SLC5A10: variants seen among roughly 807,000 people sequenced by gnomAD.
SLC5A10 encodes the protein solute carrier family 5 member 10.
Under a neutral mutation model 68.9 loss-of-function variants are expected in SLC5A10, and 55 were observed. That is an observed-to-expected ratio of 0.80 (90% CI 0.64 to 1.00). The LOEUF is 1.00. Among genes scored for constraint, SLC5A10 ranks in the 50% least tolerant of loss-of-function variants. The pLI, the probability that SLC5A10 is intolerant of heterozygous loss-of-function variation, is 0.00. For missense variants in SLC5A10, 732 were observed against 819.3 expected, an observed-to-expected ratio of 0.89 and a Z score of 1.30; for synonymous variants, 344 against 344.8, an observed-to-expected ratio of 1.00 and a Z score of 0.02.
chr17:18,954,800 C>T (rs2042457849), intron 1 of SLC5A10, among the ~76,000 whole-genome samples: 1 of 152,196 alleles, frequency 6.6e-6, no homozygotes, highest in South Asian at 2.1e-4. Context: ...AGGCCGGGCG[C>T]AGTGGCTCAT....
chr17:18,975,144 C>T (rs555663407), intron 8 of SLC5A10, among the ~76,000 whole-genome samples: 1 of 152,164 alleles, frequency 6.6e-6, no homozygotes. Flanking sequence ...CTCCCAAGCA[C>T]CTAGACAGAA....
intron 4 of SLC5A10, 30 bp downstream of exon 4, chr17:18,959,693 G>A (rs1334778666): frequency 1.2e-6 from 2 of 1,611,952 alleles, no homozygotes; most frequent in Admixed American, 1.7e-5. Flanking sequence ...CTCCAGCTGG[G>A]GGGCTGGGCC....
chr17:19,011,852 G>A (rs555636487), intron 9 of SLC5A10, among the ~76,000 whole-genome samples: 3 of 151,886 alleles, frequency 2.0e-5, no homozygotes, highest in Admixed American at 6.5e-5. Context: ...GCTGGCCTGG[G>A]GGAAGGGGTG....
intron 9 of SLC5A10, among the ~76,000 whole-genome samples, chr17:18,983,653 G>A (rs940194683): frequency 6.6e-5 from 10 of 152,186 alleles, no homozygotes; most frequent in Admixed American, 5.9e-4. Context: ...TGAGGTGCAG[G>A]CCTCCAGCAG....
rs1292178742 is a variant in SLC5A10 at position 19,020,447 on chromosome 17, C to A, written c.*16C>A. 3 of 1,611,610 alleles carry A rather than the reference C, an allele frequency of 1.9e-6. No homozygotes were observed. Among genetic ancestry groups the A allele is most frequent in the African/African-American group, 1.3e-5 (1 of 74,906 alleles). ...CTTCGCCTGACACTGCCATCCTGGA[C>A]AGAAAGGCAGGAGCTCTGAGTCCTC... On this transcript the variant is annotated 3_prime_UTR_variant, in exon 15 of 15. Coordinates refer to ENST00000395645, the MANE Select transcript of SLC5A10 (RefSeq NM_001042450.4).
At chr17:18,969,526 G>A in intron 7 of SLC5A10, 104 bp downstream of exon 7, 1 of 1,129,778 alleles carries the variant, frequency 8.9e-7, no homozygotes, top group South Asian at 1.5e-5. Context: ...TGGGGTTCTG[G>A]GTAGCATCGC....
In SLC5A10 at chr17:19,020,609, G is replaced by A. The variant is rs767336935; in HGVS notation, c.*178G>A. 4.4e-4 allele frequency: 263 copies of A among 593,332 alleles called. 1 individual carries two copies. Among genetic ancestry groups the A allele is most frequent in the Middle Eastern group, 8.9e-4 (2 of 2,240 alleles). The allele number at this position is 593,332 out of a possible 1,614,324, so 36.8% of individuals were successfully genotyped here. A position where few individuals can be genotyped will look rare whatever the true frequency, so the allele number is the denominator to read the frequency against. Reference sequence around the variant, plus strand: ...GCCCTGAAAAATTAGGGGGGAAATGGGAGAAAATAATGTGACATTTCAAAA... The same window carrying A: ...GCCCTGAAAAATTAGGGGGGAAATGAGAGAAAATAATGTGACATTTCAAAA... On this transcript the variant is annotated 3_prime_UTR_variant, in exon 15 of 15. Transcript: ENST00000395645.
chr17:18,990,252 C>A (rs146170982), intron 9 of SLC5A10, among the ~76,000 whole-genome samples: 16 of 152,114 alleles, frequency 1.1e-4, no homozygotes, highest in Non-Finnish European at 1.9e-4. Flanking sequence ...CTGCTTGGAG[C>A]GGGGGTAGAT....
At chr17:18,984,970 C>G (rs2043233307) in intron 9 of SLC5A10, among the ~76,000 whole-genome samples, 1 of 152,238 alleles carries the variant, frequency 6.6e-6, no homozygotes, top group South Asian at 2.1e-4. Context: ...GCACGCTGCT[C>G]CCACCTCACC....
At chr17:19,014,393 G>A (rs2044085689) in intron 10 of SLC5A10, among the ~76,000 whole-genome samples, 1 of 152,138 alleles carries the variant, frequency 6.6e-6, no homozygotes, top group African/African-American at 2.4e-5. Flanking sequence ...TCCTAGGGGA[G>A]CCCTCACTCC....
At chr17:18,981,125 G>A (rs1218672906) in intron 9 of SLC5A10, among the ~76,000 whole-genome samples, 2 of 152,214 alleles carry the variant, frequency 1.3e-5, no homozygotes, top group African/African-American at 4.8e-5. Flanking sequence ...CCTGGGAGGT[G>A]AAGGGGAGGC....
Position 18,977,530 on chromosome 17 carries a change from G to A in SLC5A10, c.982+541G>A, listed in dbSNP as rs1352215507. 13 of 1,534,974 alleles carry A rather than the reference G, an allele frequency of 8.5e-6. No individual in the cohort carries two copies. In the Admixed American group the frequency reaches 2.0e-4, roughly 24 times the overall value. On this transcript the variant is annotated intron_variant, in intron 9 of 14. Coordinates refer to ENST00000395645, the MANE Select transcript of SLC5A10 (RefSeq NM_001042450.4). ...CAGAAGACAACAGCTCGAGCTCTTGGGTGGCTGGCAGGGAGGGACTCGTGA... is the reference window on the plus strand; with the variant it reads ...CAGAAGACAACAGCTCGAGCTCTTGAGTGGCTGGCAGGGAGGGACTCGTGA...
intron 9 of SLC5A10, chr17:18,979,395 G>C: frequency 1.1e-6 from 1 of 901,070 alleles, no homozygotes; most frequent in Non-Finnish European, 1.6e-6. Context: ...TGCCTCCAGA[G>C]ACAGACAGGC....
Position 19,015,240 on chromosome 17 carries a change from C to T in SLC5A10, c.1241+41C>T, listed in dbSNP as rs1036525090. 7 of 902,158 alleles carry T rather than the reference C, an allele frequency of 7.8e-6. No individual in the cohort carries two copies. The African/African-American group carries it at 9.6e-5, about 12-fold the overall frequency. 55.9% of individuals were successfully genotyped at this position (902,158 alleles called of 1,614,324 possible). ...CCAGTACGGGGGTGGGGGAACACTA[C>T]AAGGGTGGGCGCCCGCACTGACTTT... On this transcript the variant is annotated intron_variant, in intron 11 of 14. Transcript: ENST00000395645.
intron 9 of SLC5A10, among the ~76,000 whole-genome samples, chr17:18,992,121 G>T (rs1316413309): frequency 6.6e-6 from 1 of 152,136 alleles, no homozygotes; most frequent in Non-Finnish European, 1.5e-5. Flanking sequence ...TCTGTCCAGG[G>T]GTGTCCATAT....
rs369190018 is a variant in SLC5A10, at chr17:18,952,256, C to T, written c.51C>T (p.Ser17=). Residue 17 remains serine, a synonymous_variant, in exon 1 of 15, where the codon AGC becomes AGT. Coordinates refer to ENST00000395645, the MANE Select transcript of SLC5A10 (RefSeq NM_001042450.4). ...SDLHTPGTQL[S]VADIIVITVY... Reference sequence around the variant, plus strand: ...TCCACACTCCCGGGACGCAGCTGAGCGTGGCTGACATCATCGTCATCACTG... The same window carrying T: ...TCCACACTCCCGGGACGCAGCTGAGTGTGGCTGACATCATCGTCATCACTG... 109 of 1,613,834 alleles carry T rather than the reference C, an allele frequency of 6.8e-5. No individual in the cohort carries two copies. Among genetic ancestry groups the T allele is most frequent in the Non-Finnish European group, 8.6e-5 (101 of 1,179,956 alleles).
In SLC5A10 at chr17:19,021,696, C is replaced by T. The variant is rs2044266862; in HGVS notation, c.*1265C>T. On this transcript the variant is annotated 3_prime_UTR_variant, in exon 15 of 15. Coordinates refer to ENST00000395645, the MANE Select transcript of SLC5A10 (RefSeq NM_001042450.4). This position sits in a 1 kb window ranked among gnomAD's most constrained non-coding sequence, Gnocchi z 4.1. ...AGGTGGGCGGGGCCTCCACAGACTC[C>T]GCCCTGTGGTGTCACACAGCTGGCA... 2 of 401,154 alleles carry T rather than the reference C, an allele frequency of 5.0e-6. No individual in the cohort carries two copies. Among genetic ancestry groups the T allele is most frequent in the Admixed American group, 4.4e-5 (1 of 22,792 alleles). 24.8% of individuals were successfully genotyped at this position (401,154 alleles called of 1,614,324 possible).
chr17:19,009,815 A>G (rs2043976651), intron 9 of SLC5A10, among the ~76,000 whole-genome samples: 1 of 152,182 alleles, frequency 6.6e-6, no homozygotes. Context: ...GTCAGAGGTC[A>G]TAGAGTTATT....
intron 9 of SLC5A10, among the ~76,000 whole-genome samples, chr17:18,981,662 G>A (rs181054670): frequency 5.9e-5 from 9 of 152,298 alleles, no homozygotes; most frequent in East Asian, 3.9e-4. Flanking sequence ...GGTGTGGGCC[G>A]TGGGTGAGTC....
Sources: gnomAD v4.1 joint callset for allele counts (sites outside exome capture counted in the v4.1 genomes callset) on GRCh38, gnomAD v4.1.1 for gene constraint, Gnocchi (gnomAD v3.1) non-coding constraint, MANE v1.5 for transcripts, NCBI Gene and HGNC (gene_info 2026-07-23, HGNC 2026-07-21) for gene names.